Variants in LRRC4C observed in about 807,000 individuals in gnomAD.
The protein encoded by LRRC4C is leucine-rich repeat-containing protein 4C.
Under a neutral mutation model 33.6 loss-of-function variants are expected in LRRC4C, and 5 were observed. That is an observed-to-expected ratio of 0.15 (90% CI 0.08 to 0.31). LRRC4C has a LOEUF of 0.31. Among genes scored for constraint, LRRC4C ranks in the 10% least tolerant of loss-of-function variants. LRRC4C has a pLI of 1.00. For missense variants in LRRC4C, 560 were observed against 796.7 expected, an observed-to-expected ratio of 0.70 and a Z score of 3.58; for synonymous variants, 329 against 302.0, an observed-to-expected ratio of 1.09 and a Z score of -0.93.
At chr11:40,243,944 C>T (rs1198060254) in intron 4 of LRRC4C, among the ~76,000 whole-genome samples, 2 of 151,436 alleles carry the variant, frequency 1.3e-5, no homozygotes, top group African/African-American at 2.4e-5. Context: ...AAGTGATCCA[C>T]CTGCCTCAGC....
At chr11:40,350,436 A>G (rs965555723) in intron 3 of LRRC4C, among the ~76,000 whole-genome samples, 1 of 151,984 alleles carries the variant, frequency 6.6e-6, no homozygotes, top group Non-Finnish European at 1.5e-5. Flanking sequence ...TGGAAATTCT[A>G]GTCCATTGGT....
At chr11:41,004,730 C>G (rs997465208) in intron 1 of LRRC4C, among the ~76,000 whole-genome samples, 2 of 126,366 alleles carry the variant, frequency 1.6e-5, no homozygotes, top group African/African-American at 5.2e-5. Context: ...TATTTCTTGA[C>G]AAAATAAAGC....
At chr11:40,755,575 G>C (rs1029319434) in intron 2 of LRRC4C, among the ~76,000 whole-genome samples, 36 of 151,886 alleles carry the variant, frequency 2.4e-4, no homozygotes, top group Admixed American at 9.2e-4. Flanking sequence ...CCAGACATTT[G>C]GCAATGCCTG....
intron 2 of LRRC4C, among the ~76,000 whole-genome samples, chr11:40,898,486 T>C (rs1956066002): frequency 6.6e-6 from 1 of 151,204 alleles, no homozygotes. Context: ...ATCATACGGA[T>C]AGAAAAGGAA....
chr11:41,318,452 A>G (rs1342479910), intron 1 of LRRC4C, among the ~76,000 whole-genome samples: 1 of 152,150 alleles, frequency 6.6e-6, no homozygotes, highest in South Asian at 2.1e-4. Context: ...TTCTCTCCAG[A>G]TTTCGTCCTC....
chr11:40,564,834 T>C (rs1159648398), intron 3 of LRRC4C, among the ~76,000 whole-genome samples: 1 of 152,152 alleles, frequency 6.6e-6, no homozygotes, highest in East Asian at 1.9e-4. Flanking sequence ...GCAGGGGTAA[T>C]TGACTGGCAA....
intron 3 of LRRC4C, among the ~76,000 whole-genome samples, chr11:40,619,563 A>G (rs1312407768): frequency 6.6e-6 from 1 of 151,756 alleles, no homozygotes; most frequent in Admixed American, 6.6e-5. Context: ...ATGAATGCAC[A>G]TCACTAGTGG....
At chr11:40,558,378 C>A (rs1957411846) in intron 3 of LRRC4C, among the ~76,000 whole-genome samples, 1 of 152,174 alleles carries the variant, frequency 6.6e-6, no homozygotes, top group African/African-American at 2.4e-5. Flanking sequence ...TGTGTTGTTT[C>A]ATTTAGACTT....
intron 1 of LRRC4C, among the ~76,000 whole-genome samples, chr11:41,042,497 A>G (rs534845925): frequency 6.6e-6 from 1 of 152,250 alleles, no homozygotes; most frequent in East Asian, 1.9e-4. Context: ...GTGTAGGTGG[A>G]AAGATTAAAA....
intron 2 of LRRC4C, among the ~76,000 whole-genome samples, chr11:40,712,566 T>G (rs1433685429): frequency 6.6e-6 from 1 of 152,124 alleles, no homozygotes. Flanking sequence ...AGACAATATT[T>G]ACAAGAATGC....
chr11:41,141,028 A>G (rs1209280429), intron 1 of LRRC4C, among the ~76,000 whole-genome samples: 1 of 152,166 alleles, frequency 6.6e-6, no homozygotes, highest in Non-Finnish European at 1.5e-5. Context: ...AATTATATCT[A>G]TGATATTTGC....
intron 1 of LRRC4C, among the ~76,000 whole-genome samples, chr11:41,362,794 C>CT (rs71466930): frequency 2.0e-5 from 3 of 151,132 alleles, no homozygotes; most frequent in South Asian, 2.1e-4. Flanking sequence ...CCTAAACTTT[C>CT]TTTTTTTTGG....
chr11:41,410,626 G>C (rs1218959128), intron 1 of LRRC4C, among the ~76,000 whole-genome samples: 2 of 151,808 alleles, frequency 1.3e-5, no homozygotes, highest in African/African-American at 4.8e-5. Flanking sequence ...ATTTTTAGTA[G>C]AGACGGTGTT....
intron 4 of LRRC4C, among the ~76,000 whole-genome samples, chr11:40,299,191 A>T (rs1259736161): frequency 1.3e-5 from 2 of 152,202 alleles, no homozygotes; most frequent in Non-Finnish European, 2.9e-5. Flanking sequence ...ACTTATTTAA[A>T]CATATGCATA....
chr11:40,607,813 G>A (rs902105555), intron 3 of LRRC4C, among the ~76,000 whole-genome samples: 1 of 152,128 alleles, frequency 6.6e-6, no homozygotes, highest in Non-Finnish European at 1.5e-5. Flanking sequence ...AGCCAAAGGA[G>A]CACACGTAAC....
At chr11:41,107,759 G>A (rs539044993) in intron 1 of LRRC4C, among the ~76,000 whole-genome samples, 6 of 152,186 alleles carry the variant, frequency 3.9e-5, no homozygotes, top group Admixed American at 3.9e-4. Flanking sequence ...CCAACATGGC[G>A]AAGCCCCACA....
intron 1 of LRRC4C, among the ~76,000 whole-genome samples, chr11:41,169,803 C>T (rs1944890743): frequency 6.6e-6 from 1 of 152,158 alleles, no homozygotes; most frequent in Admixed American, 6.6e-5. Flanking sequence ...ATGCTGCATA[C>T]TTTCAATTCC....
chr11:41,403,404 A>G (rs1163675608), intron 1 of LRRC4C, among the ~76,000 whole-genome samples: 1 of 152,092 alleles, frequency 6.6e-6, no homozygotes. Context: ...GTATATATAG[A>G]CATATATGTT....
At chr11:41,139,941 C>T (rs1943430803) in intron 1 of LRRC4C, among the ~76,000 whole-genome samples, 1 of 152,006 alleles carries the variant, frequency 6.6e-6, no homozygotes, top group South Asian at 2.1e-4. Flanking sequence ...CTGACCTCTG[C>T]GATTTGACAA....
Sources: allele counts gnomAD v4.1 joint callset (sites outside exome capture counted in the v4.1 genomes callset), GRCh38; gene constraint gnomAD v4.1.1; transcripts MANE v1.5; gene names NCBI Gene and HGNC (gene_info 2026-07-23, HGNC 2026-07-21).